Variants in RBFOX1 observed in about 807,000 individuals in gnomAD.
RBFOX1 encodes the protein RNA binding fox-1 homolog 1.
RBFOX1 carries 8 observed loss-of-function variants against 57.7 expected under a neutral mutation model. That is an observed-to-expected ratio of 0.14 (90% confidence interval 0.08 to 0.25). The LOEUF (loss-of-function observed/expected upper bound fraction) is 0.25. RBFOX1 is among the 10% of genes least tolerant of loss of function. The pLI is 1.00. For synonymous variants in RBFOX1, 326 were observed against 222.4 expected (o/e 1.47, Z -4.15); for missense variants, 611 against 548.5 (o/e 1.11, Z -1.14).
intron 3 of RBFOX1, among the ~76,000 whole-genome samples, chr16:5,662,459 T>C (rs2049686890): frequency 6.6e-6 from 1 of 152,100 alleles, no homozygotes; most frequent in South Asian, 2.1e-4. Context: ...CCCCATACAC[T>C]CATAAGAAAA....
intron 1 of RBFOX1, among the ~76,000 whole-genome samples, chr16:5,364,559 T>C (rs565762584): frequency 1.3e-5 from 2 of 152,344 alleles, no homozygotes; most frequent in African/African-American, 4.8e-5. Flanking sequence ...ATTTTTCTCT[T>C]TGTGATGATA....
At chr16:5,309,520 T>G (rs891795669) in intron 1 of RBFOX1, among the ~76,000 whole-genome samples, 15 of 152,204 alleles carry the variant, frequency 9.9e-5, no homozygotes, top group Non-Finnish European at 1.5e-5. Flanking sequence ...TGTTTTTTAA[T>G]TTTTATAAAC....
intron 4 of RBFOX1, among the ~76,000 whole-genome samples, chr16:7,243,520 G>A (rs759063164): frequency 1.3e-5 from 2 of 152,138 alleles, no homozygotes. Context: ...GGCTCCCCAG[G>A]AAGTTGACCC....
At chr16:7,710,571 TG>T in intron 15 of RBFOX1, 51 bp from the exon 16 acceptor site, 2 of 1,607,938 alleles carry the variant, frequency 1.2e-6, no homozygotes, top group Non-Finnish European at 1.7e-6. Flanking sequence ...ATGATCCACA[TG>T]TTGCAAAAGG....
intron 3 of RBFOX1, among the ~76,000 whole-genome samples, chr16:7,046,481 A>T (rs2047985446): frequency 6.6e-6 from 1 of 152,174 alleles, no homozygotes; most frequent in Non-Finnish European, 1.5e-5. Flanking sequence ...ACATTAAAAT[A>T]TCAAGTTCAA....
intron 2 of RBFOX1, among the ~76,000 whole-genome samples, chr16:6,580,014 A>T (rs1360407934): frequency 6.6e-6 from 1 of 151,844 alleles, no homozygotes; most frequent in African/African-American, 2.4e-5. Flanking sequence ...GCTGGAGTGC[A>T]GCGGTGTGAT....
intron 1 of RBFOX1, among the ~76,000 whole-genome samples, chr16:5,257,758 C>A (rs1160567744): frequency 6.6e-6 from 1 of 152,196 alleles, no homozygotes; most frequent in African/African-American, 2.4e-5. Context: ...TCCCTCCCTG[C>A]CCATTCCTTG....
chr16:5,460,190 A>G (rs541553199), intron 1 of RBFOX1, among the ~76,000 whole-genome samples: 6 of 152,328 alleles, frequency 3.9e-5, no homozygotes, highest in African/African-American at 1.4e-4. Flanking sequence ...GACTCAGTGG[A>G]CAAGAGGGGT....
intron 3 of RBFOX1, among the ~76,000 whole-genome samples, chr16:6,959,774 C>G (rs892363526): frequency 1.1e-4 from 16 of 151,948 alleles, no homozygotes; most frequent in Non-Finnish European, 1.5e-4. Flanking sequence ...CCGTTTCTAC[C>G]AAAAGTACAA....
chr16:7,181,739 T>G (rs1299420885), intron 4 of RBFOX1, among the ~76,000 whole-genome samples: 2 of 151,992 alleles, frequency 1.3e-5, no homozygotes, highest in Non-Finnish European at 2.9e-5. Flanking sequence ...TTTTGTATTT[T>G]TGGTAGAGAC....
At chr16:6,494,518 G>T (rs775902481) in intron 2 of RBFOX1, among the ~76,000 whole-genome samples, 1 of 152,196 alleles carries the variant, frequency 6.6e-6, no homozygotes, top group Non-Finnish European at 1.5e-5. Flanking sequence ...CCCTGGAGTT[G>T]TACCTACATT....
At chr16:5,923,715 G>A (rs1409195528) in intron 4 of RBFOX1, among the ~76,000 whole-genome samples, 1 of 151,636 alleles carries the variant, frequency 6.6e-6, no homozygotes, top group East Asian at 1.9e-4. Flanking sequence ...TAATTTTTGT[G>A]TTTTTAGTGG....
At chr16:5,289,702 C>T (rs1374618848) in intron 1 of RBFOX1, among the ~76,000 whole-genome samples, 1 of 152,106 alleles carries the variant, frequency 6.6e-6, no homozygotes, top group African/African-American at 2.4e-5. Context: ...TTGAGGGTGA[C>T]CCAGGTCAAC....
chr16:5,805,041 A>C (rs1443637841), intron 3 of RBFOX1, among the ~76,000 whole-genome samples: 1 of 152,008 alleles, frequency 6.6e-6, no homozygotes, highest in Middle Eastern at 3.2e-3. Flanking sequence ...GGAAAAATAC[A>C]GTTTGGGGAG....
At chr16:7,071,584 G>C (rs2057343064) in intron 4 of RBFOX1, among the ~76,000 whole-genome samples, 1 of 90,054 alleles carries the variant, frequency 1.1e-5, no homozygotes, top group Non-Finnish European at 2.2e-5. Context: ...AATTTGCCCA[G>C]ATATGTGTGT....
intron 3 of RBFOX1, among the ~76,000 whole-genome samples, chr16:5,742,148 T>C (rs1421607520): frequency 6.6e-6 from 1 of 152,248 alleles, no homozygotes; most frequent in South Asian, 2.1e-4. Context: ...TTTTCCATCA[T>C]TTGGTTCAAG....
chr16:7,521,978 C>A (rs2077602692), intron 5 of RBFOX1, among the ~76,000 whole-genome samples: 1 of 152,168 alleles, frequency 6.6e-6, no homozygotes, highest in African/African-American at 2.4e-5. Flanking sequence ...GTGAAAAGCT[C>A]TTGGATTCAT....
chr16:6,303,565 CTCTT>C (rs1308929915), intron 1 of RBFOX1, among the ~76,000 whole-genome samples: 6 of 152,034 alleles, frequency 3.9e-5, no homozygotes, highest in Admixed American at 6.5e-5. Context: ...GTTATTTTGT[CTCTT>C]TCTTTTCCTT....
chr16:7,533,844 A>T (rs1477203854), intron 5 of RBFOX1, among the ~76,000 whole-genome samples: 1 of 152,326 alleles, frequency 6.6e-6, no homozygotes, highest in South Asian at 2.1e-4. Flanking sequence ...TCTTCAGTCA[A>T]AGAATGAGTT....
Sources: gnomAD v4.1 joint callset for allele counts (sites outside exome capture counted in the v4.1 genomes callset) on GRCh38, gnomAD v4.1.1 for gene constraint, MANE v1.5 for transcripts, NCBI Gene and HGNC (gene_info 2026-07-23, HGNC 2026-07-21) for gene names.